PHF21B: variants seen among roughly 807,000 people sequenced by gnomAD.
PHF21B encodes PHD finger protein 21B, also known as PHD finger protein 4.
Under a neutral mutation model 62.2 loss-of-function variants are expected in PHF21B, and 22 were observed. The observed-to-expected ratio is 0.35, with a 90% CI of 0.25 to 0.51. PHF21B has a LOEUF of 0.51. PHF21B is among the 20% of genes least tolerant of loss of function. The pLI, the probability that PHF21B is intolerant of heterozygous loss-of-function variation, is 0.97. For synonymous variants in PHF21B, 341 were observed against 314.7 expected (o/e 1.08, Z -0.88); for missense variants, 701 against 707.9 (o/e 0.99, Z 0.11).
Position 44,948,011 on chromosome 22 carries a change from C to T in PHF21B, c.121-27521G>A, listed in dbSNP as rs1037452143. Among the ~76,000 whole-genome samples the T allele has an allele frequency of 3.5e-4, 53 of 152,124 alleles. 1 individual carries two copies. On this transcript the variant is annotated intron_variant, in intron 2 of 12. Transcript: ENST00000313237. ...TTGTCCCTCCTCCCCGCTGTTGTCCCTCCTCCCCACTGCTGTCCCGTTCGG... is the reference window on the plus strand; with the variant it reads ...TTGTCCCTCCTCCCCGCTGTTGTCCTTCCTCCCCACTGCTGTCCCGTTCGG...
At chr22:44,943,061 C>T (rs184846146) in intron 2 of PHF21B, among the ~76,000 whole-genome samples, 2 of 149,316 alleles carry the variant, frequency 1.3e-5, no homozygotes, top group East Asian at 4.2e-4. Context: ...ATGGAAGATC[C>T]GGATTGAATC....
At chr22:44,988,996 T>C (rs1025066082) in intron 2 of PHF21B, 1 of 152,174 alleles carries the variant, frequency 6.6e-6, no homozygotes, top group Non-Finnish European at 1.5e-5. Context: ...ATCTTATTTA[T>C]GAGGGTGTAG....
intron 2 of PHF21B, among the ~76,000 whole-genome samples, chr22:44,953,898 G>A (rs754623229): frequency 7.2e-5 from 11 of 152,226 alleles, no homozygotes; most frequent in African/African-American, 1.9e-4. Context: ...GCACAGAACA[G>A]TGAAGCAACT....
At chr22:44,894,077 A>G (rs938796193) in intron 6 of PHF21B, among the ~76,000 whole-genome samples, 1 of 152,040 alleles carries the variant, frequency 6.6e-6, no homozygotes, top group African/African-American at 2.4e-5. Flanking sequence ...GGCAGGACCC[A>G]TGACCTGCCT....
intron 2 of PHF21B, among the ~76,000 whole-genome samples, chr22:44,975,592 T>C (rs1027166887): frequency 1.3e-5 from 2 of 152,228 alleles, no homozygotes; most frequent in Non-Finnish European, 2.9e-5. Context: ...CACTGTGGCA[T>C]GAGCTTCTTC....
intron 2 of PHF21B, among the ~76,000 whole-genome samples, chr22:44,927,002 G>A (rs2071645469): frequency 6.6e-6 from 1 of 152,054 alleles, no homozygotes; most frequent in Admixed American, 6.6e-5. Flanking sequence ...ATCTGGTCAA[G>A]GCTCGACGCT....
At chr22:44,945,417 C>A (rs1317502313) in intron 2 of PHF21B, among the ~76,000 whole-genome samples, 1 of 152,204 alleles carries the variant, frequency 6.6e-6, no homozygotes. Context: ...AAATCTGAGA[C>A]CCTCCCATCC....
At chr22:44,974,409 T>TA (rs77760918) in intron 2 of PHF21B, among the ~76,000 whole-genome samples, 9,846 of 135,130 alleles carry the variant, frequency 0.073, 567 homozygotes, top group African/African-American at 0.17. Context: ...GACCCTGTCT[T>TA]AAAAAAAAAA....
rs56878868 is a variant in PHF21B, at chr22:44,896,880, GT to G, written c.832-798del. Among the ~76,000 whole-genome samples, 619 of 84,042 alleles carry G rather than the reference GT, an allele frequency of 7.4e-3. 19 individuals carry two copies. Among genetic ancestry groups the G allele is most frequent in the African/African-American group, 0.024 (577 of 24,250 alleles). 55.1% of individuals were successfully genotyped at this position (84,042 alleles called of 152,430 possible). On this transcript the variant is annotated intron_variant, in intron 5 of 12. Coordinates refer to ENST00000313237, the MANE Select transcript of PHF21B (RefSeq NM_138415.5). ...AACAGGGTGGCACTTAGTTTTATCT[GT>G]TTTTTTTTTTTTTTTGAGACAGGTT...
intron 2 of PHF21B, among the ~76,000 whole-genome samples, chr22:44,979,587 G>A (rs557623947): frequency 1.3e-5 from 2 of 152,300 alleles, no homozygotes; most frequent in African/African-American, 2.4e-5. Context: ...GCCCAGCGCC[G>A]TGGCAGCTGT....
chr22:44,945,349 C>T (rs2072046003), intron 2 of PHF21B, among the ~76,000 whole-genome samples: 1 of 152,218 alleles, frequency 6.6e-6, no homozygotes, highest in African/African-American at 2.4e-5. Context: ...TTAACTCCGT[C>T]TGAGTGACAT....
chr22:44,927,109 G>A (rs1377950608), intron 2 of PHF21B, among the ~76,000 whole-genome samples: 1 of 152,048 alleles, frequency 6.6e-6, no homozygotes, highest in Non-Finnish European at 1.5e-5. Context: ...GGAGAGGGAC[G>A]GATGGAGGCG....
At chr22:44,911,686 A>G (rs2071346023) in intron 5 of PHF21B, among the ~76,000 whole-genome samples, 1 of 152,256 alleles carries the variant, frequency 6.6e-6, no homozygotes, top group Non-Finnish European at 1.5e-5. Context: ...ATATACAGGC[A>G]GAAGTTTGCT....
chr22:44,991,779 G>A (rs1428588194), intron 2 of PHF21B, among the ~76,000 whole-genome samples: 1 of 152,242 alleles, frequency 6.6e-6, no homozygotes, highest in African/African-American at 2.4e-5. Context: ...GGTCCATCCA[G>A]CTCCATAAGC....
intron 2 of PHF21B, among the ~76,000 whole-genome samples, chr22:44,955,643 C>T (rs80354506): frequency 0.013 from 1,905 of 152,292 alleles, 48 homozygotes; most frequent in African/African-American, 0.044. Context: ...CTCCTGGTCC[C>T]CAGGCCTTCA....
intron 2 of PHF21B, among the ~76,000 whole-genome samples, chr22:44,953,969 C>T (rs1346160294): frequency 5.9e-5 from 9 of 152,204 alleles, no homozygotes; most frequent in Non-Finnish European, 1.2e-4. Flanking sequence ...GGCAGCTCAG[C>T]GTGCCCTTGG....
At chr22:44,910,170 G>A (rs2071320857) in intron 5 of PHF21B, among the ~76,000 whole-genome samples, 1 of 152,176 alleles carries the variant, frequency 6.6e-6, no homozygotes, top group Admixed American at 6.5e-5. Flanking sequence ...GAGCTGCAGG[G>A]GCCCAGGGGG....
chr22:44,907,791 G>A (rs779809945), intron 5 of PHF21B, among the ~76,000 whole-genome samples: 5 of 152,232 alleles, frequency 3.3e-5, no homozygotes, highest in Admixed American at 6.5e-5. Context: ...GGAAAGTAAG[G>A]TGAAGCCATG....
chr22:44,963,594 TGTA>T (rs1232415023), intron 2 of PHF21B, among the ~76,000 whole-genome samples: 4 of 152,198 alleles, frequency 2.6e-5, no homozygotes, highest in Non-Finnish European at 5.9e-5. Flanking sequence ...GAAGATGCTT[TGTA>T]AACAGCAAGG....
Sources: gnomAD v4.1 joint callset for allele counts (sites outside exome capture counted in the v4.1 genomes callset) on GRCh38, gnomAD v4.1.1 for gene constraint, MANE v1.5 for transcripts, NCBI Gene and HGNC (gene_info 2026-07-23, HGNC 2026-07-21) for gene names.